The following ADAT1 variants were observed in gnomAD, a reference collection of about 807,000 sequenced individuals.
ADAT1 encodes the protein tRNA-specific adenosine deaminase 1.
In ADAT1, 58 loss-of-function variants were observed where a neutral mutation model predicts 58.6. That is an observed-to-expected ratio of 0.99 (90% confidence interval 0.80 to 1.23). The LOEUF is 1.23. Ranked by LOEUF, ADAT1 falls within the 50% of genes most tolerant of loss-of-function variation. ADAT1 has a pLI of 0.00. For missense variants in ADAT1, 741 were observed against 608.6 expected (o/e 1.22, Z -2.29); for synonymous variants, 254 against 220.8 (o/e 1.15, Z -1.33).
At chr16:75,620,866 G>C (rs570159147) in intron 1 of ADAT1, 46 bp from the exon 2 acceptor site, 1 of 1,523,330 alleles carries the variant, frequency 6.6e-7, no homozygotes, top group Admixed American at 1.9e-5. Flanking sequence ...AGGAGAACCA[G>C]TGCACGATGC....
intron 3 of ADAT1, chr16:75,619,829 C>T (rs749991070): frequency 6.4e-6 from 2 of 311,744 alleles, no homozygotes; most frequent in Non-Finnish European, 1.2e-5. Flanking sequence ...GGGGAGGTTG[C>T]AGAGCAGTGA....
chr16:75,619,291 G>A (rs927643263), intron 3 of ADAT1, among the ~76,000 whole-genome samples: 1 of 151,698 alleles, frequency 6.6e-6, no homozygotes, highest in African/African-American at 2.4e-5. Flanking sequence ...GGGAGGCCAA[G>A]GCAGGAGGAT....
rs774946391 is a variant in ADAT1 at position 75,603,094 on chromosome 16, T to C, written c.1367A>G (p.His456Arg). Residue 456 changes from histidine to arginine, a missense_variant, in exon 9 of 10, where the codon CAC becomes CGC. Physicochemically the swap from His to Arg is conservative, Grantham distance 29 (BLOSUM62 0). Coordinates refer to ENST00000564657, the MANE Select transcript of ADAT1 (RefSeq NM_001324445.2). ...AGGTCAACAGCATCACCTGAGGGAG[T>C]GTGGCCACTTGTCCCTTGCAATTCT... Reference protein sequence around the residue: ...LSRIARDKWPHSLRVQKLDTY... With the variant: ...LSRIARDKWPRSLRVQKLDTY... 8 of 1,613,632 alleles carry C rather than the reference T, an allele frequency of 5.0e-6. No individual in the cohort carries two copies. The Admixed American group carries it at 6.7e-5, about 13-fold the overall frequency.
chr16:75,607,857 T>C (rs2081413959), intron 8 of ADAT1, among the ~76,000 whole-genome samples: 1 of 152,150 alleles, frequency 6.6e-6, no homozygotes, highest in Admixed American at 6.5e-5. Flanking sequence ...CATGAACGAA[T>C]GGCAAACAAA....
At chr16:75,621,169 G>A (rs1362908093) in intron 1 of ADAT1, among the ~76,000 whole-genome samples, 1 of 152,002 alleles carries the variant, frequency 6.6e-6, no homozygotes, top group Non-Finnish European at 1.5e-5. Context: ...GGCATGTAAA[G>A]GGTTGCAGAC....
intron 8 of ADAT1, among the ~76,000 whole-genome samples, chr16:75,606,599 C>G (rs546104784): frequency 2.7e-4 from 41 of 152,270 alleles, no homozygotes; most frequent in African/African-American, 9.9e-4. Context: ...GTCAGCCATG[C>G]AAGGTAACCA....
chr16:75,612,057 C>G (rs2151763730), intron 6 of ADAT1, among the ~76,000 whole-genome samples, 186 bp downstream of exon 6: 1 of 151,960 alleles, frequency 6.6e-6, no homozygotes, highest in South Asian at 2.1e-4. Context: ...GACTCCGTCT[C>G]TAAAAAACAA....
At chr16:75,608,817 G>A (rs763092976) in intron 7 of ADAT1, 26 bp downstream of exon 7, 1 of 1,605,128 alleles carries the variant, frequency 6.2e-7, no homozygotes, top group African/African-American at 1.3e-5. Flanking sequence ...AGTTACTCCA[G>A]GGCAGGTCTA....
chr16:75,611,790 G>A lies in ADAT1; in HGVS notation c.1043+453C>T, dbSNP rs185883321. ...AAAAAATTATTAGCCGGGCGCGGTG[G>A]CTCACACCTGTAATCCCAGCACTTT... is the stretch of plus-strand genomic sequence containing the variant. On this transcript the variant is annotated intron_variant, in intron 6 of 9. Transcript: ENST00000564657. 2.0e-5 allele frequency among the ~76,000 whole-genome samples: 3 copies of A among 151,982 alleles called. No homozygotes were observed. In the East Asian group the frequency reaches 5.8e-4, roughly 30 times the overall value.
chr16:75,612,159 T>G, intron 6 of ADAT1, 84 bp downstream of exon 6: 214 of 1,409,404 alleles, frequency 1.5e-4, no homozygotes, highest in Non-Finnish European at 1.9e-4. Flanking sequence ...TCAAAAGGTA[T>G]GGAGATTCTT....
At chr16:75,610,176 T>C (rs1481878743) in intron 6 of ADAT1, among the ~76,000 whole-genome samples, 1 of 152,254 alleles carries the variant, frequency 6.6e-6, no homozygotes, top group Non-Finnish European at 1.5e-5. Flanking sequence ...TCATAGTCCA[T>C]TGTATGGATA....
chr16:75,613,856 T>C (rs2081623495), intron 5 of ADAT1, among the ~76,000 whole-genome samples: 1 of 152,152 alleles, frequency 6.6e-6, no homozygotes, highest in African/African-American at 2.4e-5. Context: ...TGCTATTCCC[T>C]AAGATGCTTT....
Position 75,600,093 on chromosome 16 carries a change from C to T in ADAT1, c.*123G>A. The stretch of plus-strand genomic sequence containing the variant: ...TCCAGATTCCATCTGTATTACACAA[C>T]AGAGATGCAAAGCTCAGAAAGAATG... On this transcript the variant is annotated 3_prime_UTR_variant, in exon 10 of 10. Transcript: ENST00000564657. 6.5e-7 allele frequency: 1 copy of T among 1,531,808 alleles called. No homozygotes were observed. The highest frequency in any genetic ancestry group is 8.8e-7 in the Non-Finnish European group (1 of 1,138,180). 94.9% of individuals were successfully genotyped at this position (1,531,808 alleles called of 1,614,324 possible). A position where few individuals can be genotyped will look rare whatever the true frequency, so the allele number is the denominator to read the frequency against.
In ADAT1 at chr16:75,608,946, T is replaced by C; in HGVS notation, c.1086A>G (p.Gln362=). The C allele has an allele frequency of 1.9e-6, 3 of 1,614,230 alleles. No homozygotes were observed. The highest frequency in any genetic ancestry group is 1.7e-6 in the Non-Finnish European group (2 of 1,180,042). The part of the protein sequence containing the change: ...VSALPKGFGV[Q]ELKILQSDLL... ...AATCTGACTGCAGTATTTTTAATTC[T>C]TGAACTCCGAAGCCTTTTGGTAAAG... Residue 362 remains glutamine, a synonymous_variant, in exon 7 of 10, where the codon CAA becomes CAG. Transcript: ENST00000564657.
chr16:75,617,137 C>G lies in ADAT1; in HGVS notation c.424+5G>C, dbSNP rs1024085929. 4 of 1,610,606 alleles carry G rather than the reference C, an allele frequency of 2.5e-6. No homozygotes were observed. The African/African-American group carries it at 5.3e-5, about 22-fold the overall frequency. ...ACATTAATCCAAAGGCTTGAATATA[C>G]TTACAGGGTGTATGGCTGGAGAAAA... On this transcript the variant is annotated splice_donor_5th_base_variant and intron_variant, in intron 5 of 9. Coordinates refer to ENST00000564657, the MANE Select transcript of ADAT1 (RefSeq NM_001324445.2).
Position 75,603,150 on chromosome 16 carries a change from T to C in ADAT1, c.1311A>G (p.Glu437=), listed in dbSNP as rs144554989. ...GCAGCTTCTGGAATGATCTGAAGAG[T>C]TCCACTTTGCTGATTTGGGATCTGT... is the stretch of plus-strand genomic sequence containing the variant. ...LQARSQISKV[E]LFRSFQKLLS... Residue 437 remains glutamate, a synonymous_variant, in exon 9 of 10, where the codon GAA becomes GAG. Transcript: ENST00000564657. 6 of 1,613,878 alleles carry C rather than the reference T, an allele frequency of 3.7e-6. No individual in the cohort carries two copies. The African/African-American group carries it at 6.7e-5, about 18-fold the overall frequency.
chr16:75,608,245 G>C lies in ADAT1; in HGVS notation c.1268C>G (p.Thr423Arg), dbSNP rs566594759. ...GTACCTTGCCTGAAGGCTTCCAATT[G>C]TTTTCTTTGTTGTTCCCTGTGGAAA... ...NGFPQGTTKK[T>R]IGSLQARSQI... Residue 423 changes from threonine to arginine, a missense_variant, in exon 8 of 10, where the codon ACA becomes AGA. Coordinates refer to ENST00000564657, the MANE Select transcript of ADAT1 (RefSeq NM_001324445.2). The C allele has an allele frequency of 9.4e-5, 151 of 1,614,000 alleles. 1 individual carries two copies. In the South Asian group the frequency reaches 1.6e-3, roughly 17 times the overall value.
chr16:75,600,248 T>C lies in ADAT1; in HGVS notation c.1477A>G (p.Arg493Gly), dbSNP rs765710834. The C allele has an allele frequency of 2.7e-5, 44 of 1,614,116 alleles. No homozygotes were observed. Among genetic ancestry groups the C allele is most frequent in the Non-Finnish European group, 3.7e-5 (44 of 1,180,040 alleles). ...LRKQVFGSWIRNPPDYHQFK is the reference protein window; with the variant it reads ...LRKQVFGSWIGNPPDYHQFK ...AACTGGTGATAATCCGGTGGGTTTC[T>C]GATCCAGGATCCAAACACCTGCTTC... is the stretch of plus-strand genomic sequence containing the variant. Residue 493 changes from arginine (R) to glycine (G), a missense_variant, in exon 10 of 10, where the codon AGA becomes GGA. Arg to Gly is a moderately radical substitution (Grantham distance 125). Transcript: ENST00000564657.
At chr16:75,618,407 G>A (rs367709842) in intron 4 of ADAT1, among the ~76,000 whole-genome samples, 179 bp downstream of exon 4, 2 of 151,768 alleles carry the variant, frequency 1.3e-5, no homozygotes, top group African/African-American at 4.8e-5. Context: ...TTGGGAGGCT[G>A]AGGCAGGAGA....
Sources: gnomAD v4.1 joint callset for allele counts (sites outside exome capture counted in the v4.1 genomes callset) on GRCh38, gnomAD v4.1.1 for gene constraint, MANE v1.5 for transcripts, NCBI Gene and HGNC (gene_info 2026-07-23, HGNC 2026-07-21) for gene names.